The following PEPD variants were observed in gnomAD, a reference collection of about 807,000 sequenced individuals.
The protein encoded by PEPD is peptidase D.
A neutral mutation model predicts 60.7 loss-of-function variants in PEPD; 53 were observed. The ratio of observed to expected loss-of-function variants is 0.87; its 90% confidence interval spans 0.70 to 1.10. PEPD has a LOEUF of 1.10. Ranked by LOEUF, PEPD falls within the 50% of genes least tolerant of loss-of-function variation. PEPD has a pLI of 0.00. For missense variants in PEPD, 711 were observed against 711.9 expected, an observed-to-expected ratio of 1.00 and a Z score of 0.01; for synonymous variants, 267 against 284.1, an observed-to-expected ratio of 0.94 and a Z score of 0.60.
At position 33,506,368 on chromosome 19, in the gene PEPD, C is replaced by A. The variant is rs569283566; in HGVS notation, c.329+4660G>T. 6.2e-5 allele frequency among the ~76,000 whole-genome samples: 9 copies of A among 144,460 alleles called. No homozygotes were observed. The East Asian group carries it at 1.7e-3, about 28-fold the overall frequency. The allele number at this position is 144,460 out of a possible 152,430, so 94.8% of individuals were successfully genotyped here. ...ACACAGGACACTCACACCCACCACA[C>A]CCCATCACAAACACCTTACACACCA... On this transcript the variant is annotated intron_variant, in intron 3 of 14. Transcript: ENST00000244137.
At position 33,391,341 on chromosome 19, in the gene PEPD, C is replaced by T. The variant is rs1168247676; in HGVS notation, c.1106G>A (p.Gly369Asp). 6.2e-7 allele frequency: 1 copy of T among 1,611,600 alleles called. No homozygotes were observed. Among genetic ancestry groups the T allele is most frequent in the African/African-American group, 1.3e-5 (1 of 74,916 alleles). The change falls in exon 13 of 15, where the codon GGC (glycine) becomes GAC (aspartate). Residue 369 changes from glycine (G) to aspartate (D), a missense_variant. Coordinates refer to ENST00000244137, the MANE Select transcript of PEPD (RefSeq NM_000285.4). The stretch of plus-strand genomic sequence containing the variant: ...GTGCACGTCAATGCCCAGGAAGTGG[C>T]CAAGCCCGTGAGGCATAAACACGGC... ...LGAVFMPHGL[G>D]HFLGIDVHDV... is the part of the protein sequence containing the mutation.
At position 33,426,403 on chromosome 19, in the gene PEPD, G is replaced by A. The variant is rs928142583; in HGVS notation, c.672-12760C>T. ...AATACTTCACAAATGTGTCGTTTCA[G>A]ATCTAACTTTCTCTGGAAAGTGCTG... is the stretch of plus-strand genomic sequence containing the variant. On this transcript the variant is annotated intron_variant, in intron 9 of 14. Transcript: ENST00000244137. 2.0e-5 allele frequency among the ~76,000 whole-genome samples: 3 copies of A among 152,246 alleles called. No homozygotes were observed. The East Asian group carries it at 5.8e-4, about 29-fold the overall frequency.
intron 12 of PEPD, among the ~76,000 whole-genome samples, chr19:33,400,056 C>T (rs1168665606): frequency 1.3e-5 from 2 of 152,220 alleles, no homozygotes; most frequent in South Asian, 2.1e-4. Flanking sequence ...GGGCTATCCC[C>T]TCTGCCCGCG....
At chr19:33,416,456 A>C (rs552119792) in intron 9 of PEPD, among the ~76,000 whole-genome samples, 1 of 152,276 alleles carries the variant, frequency 6.6e-6, no homozygotes, top group African/African-American at 2.4e-5. Flanking sequence ...GACCATCTCC[A>C]TAGGCTCCTT....
intron 9 of PEPD, among the ~76,000 whole-genome samples, chr19:33,416,318 G>A (rs1441555293): frequency 6.6e-6 from 1 of 152,166 alleles, no homozygotes; most frequent in Non-Finnish European, 1.5e-5. Flanking sequence ...CGAGGCAGGA[G>A]GGGTCCAGCC....
chr19:33,437,037 G>A (rs1969391134), intron 9 of PEPD, among the ~76,000 whole-genome samples: 1 of 152,158 alleles, frequency 6.6e-6, no homozygotes, highest in African/African-American at 2.4e-5. Flanking sequence ...CACGGAAGAG[G>A]AGCAGCAACC....
rs776209368 is a variant in PEPD at position 33,388,072 on chromosome 19, G to T, written c.1162C>A (p.Arg388Ser). 1 of 1,548,334 alleles carries T rather than the reference G, an allele frequency of 6.5e-7. No individual in the cohort carries two copies. The highest frequency in any genetic ancestry group is 8.7e-7 in the Non-Finnish European group (1 of 1,147,534). ...CTCCGCAGGCCGGGCTCGTCGATGCGCTCCACGCCCTGTGGGGAACAGAGG... is the reference window on the plus strand; with the variant it reads ...CTCCGCAGGCCGGGCTCGTCGATGCTCTCCACGCCCTGTGGGGAACAGAGG... ...DVGGYPEGVERIDEPGLRSLR... is the reference protein window; with the variant it reads ...DVGGYPEGVESIDEPGLRSLR... The change falls in exon 14 of 15, where the codon CGC becomes AGC. Residue 388 changes from arginine to serine, a missense_variant. Coordinates refer to ENST00000244137, the MANE Select transcript of PEPD (RefSeq NM_000285.4).
chr19:33,521,766 C>T lies in PEPD; in HGVS notation c.-6G>A. 6.3e-7 allele frequency: 1 copy of T among 1,576,920 alleles called. No individual in the cohort carries two copies. Among genetic ancestry groups the T allele is most frequent in the East Asian group, 2.3e-5 (1 of 43,212 alleles). ...CACCCGGTGGCCGCCGCCATGTTCGCCCGGCACCGGCGTCACGTGAAGTGC... is the reference window on the plus strand; with the variant it reads ...CACCCGGTGGCCGCCGCCATGTTCGTCCGGCACCGGCGTCACGTGAAGTGC... On this transcript the variant is annotated 5_prime_UTR_variant, in exon 1 of 15. Transcript: ENST00000244137.
At chr19:33,432,181 C>T (rs561890386) in intron 9 of PEPD, among the ~76,000 whole-genome samples, 4 of 152,102 alleles carry the variant, frequency 2.6e-5, no homozygotes, top group Non-Finnish European at 4.4e-5. Flanking sequence ...CAAGCTCTGT[C>T]GGCAAGGCTC....
chr19:33,442,541 ATAAAAT>A (rs1568473468), intron 9 of PEPD, among the ~76,000 whole-genome samples: 5 of 129,268 alleles, frequency 3.9e-5, no homozygotes, highest in Admixed American at 1.6e-4. Context: ...TCTACTAAAA[ATAAAAT>A]AAAAAAAAAA....
At chr19:33,398,270 C>G (rs947951227) in intron 12 of PEPD, among the ~76,000 whole-genome samples, 2 of 152,266 alleles carry the variant, frequency 1.3e-5, no homozygotes, top group Non-Finnish European at 2.9e-5. Context: ...CCGCCCCTCA[C>G]AGGCTGCAAA....
intron 1 of PEPD, 100 bp from the exon 2 acceptor site, chr19:33,512,876 TG>T: frequency 7.4e-7 from 1 of 1,356,056 alleles, no homozygotes; most frequent in Non-Finnish European, 1.1e-6. Context: ...GAGCCTGCCG[TG>T]GGACCCCCAT....
intron 9 of PEPD, among the ~76,000 whole-genome samples, chr19:33,423,668 T>C (rs967787051): frequency 6.6e-6 from 1 of 152,270 alleles, no homozygotes; most frequent in Non-Finnish European, 1.5e-5. Flanking sequence ...AAACTGCGAA[T>C]GTTCATCATT....
At chr19:33,399,521 G>A (rs1968439563) in intron 12 of PEPD, among the ~76,000 whole-genome samples, 2 of 152,188 alleles carry the variant, frequency 1.3e-5, no homozygotes, top group Middle Eastern at 3.4e-3. Flanking sequence ...TGCCCCCAGC[G>A]TCCCTCCGCG....
chr19:33,498,759 C>A (rs1032791468), intron 4 of PEPD, among the ~76,000 whole-genome samples: 2 of 151,754 alleles, frequency 1.3e-5, no homozygotes, highest in African/African-American at 2.4e-5. Flanking sequence ...GGTGCCCATC[C>A]CACCAGGGTC....
At chr19:33,499,621 G>A (rs1312180203) in intron 4 of PEPD, among the ~76,000 whole-genome samples, 2 of 152,264 alleles carry the variant, frequency 1.3e-5, no homozygotes, top group African/African-American at 4.8e-5. Context: ...CGTCCATGGT[G>A]TCCACAACTT....
At position 33,521,781 on chromosome 19, in the gene PEPD, A is replaced by C. The variant is rs779612612; in HGVS notation, c.-21T>G. 8 of 1,567,678 alleles carry C rather than the reference A, an allele frequency of 5.1e-6. No homozygotes were observed. In the African/African-American group the frequency reaches 1.1e-4, roughly 21 times the overall value. ...GCCATGTTCGCCCGGCACCGGCGTC[A>C]CGTGAAGTGCGGCGTCAGCTGAGCC... On this transcript the variant is annotated 5_prime_UTR_variant, in exon 1 of 15. Coordinates refer to ENST00000244137, the MANE Select transcript of PEPD (RefSeq NM_000285.4).
chr19:33,419,067 A>T (rs953751513), intron 9 of PEPD, among the ~76,000 whole-genome samples: 1 of 152,040 alleles, frequency 6.6e-6, no homozygotes, highest in Non-Finnish European at 1.5e-5. Context: ...CCGCTCCTAC[A>T]CCAGTCCTGG....
chr19:33,423,899 C>T (rs992827655), intron 9 of PEPD, among the ~76,000 whole-genome samples: 3 of 152,198 alleles, frequency 2.0e-5, no homozygotes, highest in Non-Finnish European at 4.4e-5. Context: ...ACTCTATCAT[C>T]TTTTGTGGGC....
Sources: gnomAD v4.1 joint callset for allele counts (sites outside exome capture counted in the v4.1 genomes callset) on GRCh38, gnomAD v4.1.1 for gene constraint, MANE v1.5 for transcripts, NCBI Gene and HGNC (gene_info 2026-07-23, HGNC 2026-07-21) for gene names.